NFIA: variants seen among roughly 807,000 people sequenced by gnomAD.
NFIA encodes nuclear factor I A.
A neutral mutation model predicts 62.8 loss-of-function variants in NFIA; 8 were observed. The ratio of observed to expected loss-of-function variants is 0.13; its 90% CI spans 0.07 to 0.23. The LOEUF is 0.23. NFIA is among the 10% of genes least tolerant of loss of function. NFIA has a pLI of 1.00. For synonymous variants in NFIA, 235 were observed against 238.1 expected (o/e 0.99, Z 0.12); for missense variants, 410 against 642.1 (o/e 0.64, Z 3.91).
chr1:61,106,973 T>C (rs977444184), intron 2 of NFIA, among the ~76,000 whole-genome samples: 1 of 151,516 alleles, frequency 6.6e-6, no homozygotes, highest in African/African-American at 2.4e-5. Flanking sequence ...TATAAATACA[T>C]ATACACACAC....
At chr1:61,096,573 G>A (rs1027675875) in intron 2 of NFIA, among the ~76,000 whole-genome samples, 17 of 88,058 alleles carry the variant, frequency 1.9e-4, no homozygotes, top group African/African-American at 6.2e-4. Flanking sequence ...TTTTTTTTGA[G>A]ACGGAGTCTT....
chr1:61,267,428 G>C (rs555511814), intron 2 of NFIA, among the ~76,000 whole-genome samples: 2 of 152,200 alleles, frequency 1.3e-5, no homozygotes, highest in Admixed American at 6.5e-5. Flanking sequence ...AGAATCACTT[G>C]AACTCAGGAG....
At chr1:61,342,150 A>T (rs1661955831) in intron 4 of NFIA, among the ~76,000 whole-genome samples, 2 of 152,110 alleles carry the variant, frequency 1.3e-5, no homozygotes, top group South Asian at 4.2e-4. Context: ...CACTAGGTGG[A>T]GGAGAAAAAA....
intron 6 of NFIA, among the ~76,000 whole-genome samples, chr1:61,377,870 A>G (rs558297208): frequency 3.3e-5 from 5 of 152,198 alleles, no homozygotes; most frequent in Non-Finnish European, 7.4e-5. Context: ...AACACTGAGA[A>G]GTTACAGTTC....
intron 3 of NFIA, among the ~76,000 whole-genome samples, chr1:61,329,055 T>C (rs1661130755): frequency 1.4e-5 from 2 of 147,370 alleles, no homozygotes; most frequent in African/African-American, 5.0e-5. Context: ...TTTTCTTTTT[T>C]TTTTTTTTTT....
intron 2 of NFIA, among the ~76,000 whole-genome samples, chr1:61,106,935 C>T (rs555229886): frequency 1.3e-5 from 2 of 150,900 alleles, no homozygotes; most frequent in African/African-American, 4.9e-5. Context: ...ATCATATATA[C>T]ACACATACAT....
rs201047498 is a variant in NFIA at position 61,194,418 on chromosome 1, CA to C, written c.560-83100del. ...TCTTTTTCTGAAGACATCAGTAGTG[CA>C]AGCATCATGTCTTTGCCTTGTATTT... On this transcript the variant is annotated intron_variant, in intron 2 of 10. Transcript: ENST00000403491. 9.9e-3 allele frequency among the ~76,000 whole-genome samples: 1,511 copies of C among 152,302 alleles called. 16 individuals carry two copies. Among genetic ancestry groups the C allele is most frequent in the Middle Eastern group, 0.058 (17 of 294 alleles).
intron 3 of NFIA, among the ~76,000 whole-genome samples, chr1:61,289,155 A>C (rs1207983866): frequency 6.6e-6 from 1 of 152,176 alleles, no homozygotes; most frequent in Non-Finnish European, 1.5e-5. Flanking sequence ...TTTTATAGGA[A>C]TGGGTCTGTG....
chr1:61,400,021 T>G (rs190125028), intron 7 of NFIA, among the ~76,000 whole-genome samples: 31 of 152,348 alleles, frequency 2.0e-4, no homozygotes, highest in Non-Finnish European at 4.6e-4. Context: ...TTTAACTTTT[T>G]CTCCTTTAAA....
intron 3 of NFIA, among the ~76,000 whole-genome samples, chr1:61,301,969 A>G (rs759280414): frequency 1.3e-5 from 2 of 152,222 alleles, no homozygotes; most frequent in Non-Finnish European, 2.9e-5. Flanking sequence ...AGTCTCATCC[A>G]TAGCTCTCCT....
chr1:61,187,073 A>T (rs2100570015), intron 2 of NFIA, among the ~76,000 whole-genome samples: 1 of 152,272 alleles, frequency 6.6e-6, no homozygotes, highest in Non-Finnish European at 1.5e-5. Flanking sequence ...TTATTTGTAA[A>T]ATGTCAACTG....
At chr1:61,378,059 G>A (rs1425318622) in intron 6 of NFIA, among the ~76,000 whole-genome samples, 1 of 152,192 alleles carries the variant, frequency 6.6e-6, no homozygotes, top group African/African-American at 2.4e-5. Flanking sequence ...GATTCCTGCA[G>A]TGTTTCCTTT....
intron 4 of NFIA, among the ~76,000 whole-genome samples, chr1:61,350,651 A>G (rs1662497556): frequency 6.6e-6 from 1 of 151,540 alleles, no homozygotes; most frequent in African/African-American, 2.4e-5. Flanking sequence ...TAAAACAAAG[A>G]AAGAAAAACC....
chr1:61,252,265 A>T (rs1438213320), intron 2 of NFIA, among the ~76,000 whole-genome samples: 1 of 152,156 alleles, frequency 6.6e-6, no homozygotes, highest in Non-Finnish European at 1.5e-5. Context: ...TTGAATTTTC[A>T]TGGCCAACAG....
chr1:61,403,013 T>G (rs1665647308), intron 7 of NFIA, among the ~76,000 whole-genome samples: 1 of 152,232 alleles, frequency 6.6e-6, no homozygotes, highest in African/African-American at 2.4e-5. Context: ...CCTGTCTTAC[T>G]GAGTTTCTCT....
intron 6 of NFIA, among the ~76,000 whole-genome samples, chr1:61,374,249 G>C (rs1021907086): frequency 6.6e-6 from 1 of 152,068 alleles, no homozygotes; most frequent in African/African-American, 2.4e-5. Flanking sequence ...TCTCAGAAAT[G>C]TCTTCTTTAT....
chr1:61,216,250 T>G (rs1332262840), intron 2 of NFIA, among the ~76,000 whole-genome samples: 1 of 152,184 alleles, frequency 6.6e-6, no homozygotes. Flanking sequence ...CATCATATCA[T>G]CTTTGCCTGG....
intron 2 of NFIA, among the ~76,000 whole-genome samples, chr1:61,193,789 A>G (rs1427686317): frequency 6.6e-6 from 1 of 152,156 alleles, no homozygotes; most frequent in African/African-American, 2.4e-5. Flanking sequence ...TCCTTTTAAC[A>G]TTTTCCCCAG....
intron 3 of NFIA, among the ~76,000 whole-genome samples, chr1:61,297,219 A>G (rs1375440518): frequency 6.6e-6 from 1 of 152,184 alleles, no homozygotes; most frequent in Non-Finnish European, 1.5e-5. Context: ...TTCATTAGTT[A>G]GTATTCATTT....
Sources: allele counts gnomAD v4.1 joint callset (sites outside exome capture counted in the v4.1 genomes callset), GRCh38; gene constraint gnomAD v4.1.1; transcripts MANE v1.5; gene names NCBI Gene and HGNC (gene_info 2026-07-23, HGNC 2026-07-21).